Variants in CRHR1 observed in about 807,000 individuals in gnomAD.
The protein encoded by CRHR1 is corticotropin-releasing hormone receptor 1.
CRHR1 carries 28 observed loss-of-function variants against 56.0 expected under a neutral mutation model. That is an observed-to-expected ratio of 0.50 (90% CI 0.37 to 0.69). The LOEUF is 0.69. CRHR1 is among the 30% of genes least tolerant of loss of function. The pLI is 0.00. For synonymous variants in CRHR1, 195 were observed against 216.5 expected (o/e 0.90, Z 0.87); for missense variants, 376 against 548.0 (o/e 0.69, Z 3.13).
chr17:45,793,042 C>T (rs973737293), intron 1 of CRHR1, among the ~76,000 whole-genome samples: 2 of 152,238 alleles, frequency 1.3e-5, no homozygotes, highest in African/African-American at 4.8e-5. Context: ...TGCTCCCACT[C>T]CCCAATGAAC....
At chr17:45,829,411 G>A in intron 5 of CRHR1, 90 bp downstream of exon 5, 1 of 1,390,076 alleles carries the variant, frequency 7.2e-7, no homozygotes, top group African/African-American at 1.4e-5. Flanking sequence ...CTAGGTTGGG[G>A]TGGGGGTTGC....
At chr17:45,834,140 C>A in intron 12 of CRHR1, 92 bp downstream of exon 12, 1 of 1,485,002 alleles carries the variant, frequency 6.7e-7, no homozygotes, top group Non-Finnish European at 9.4e-7. Context: ...CCTCCCAGGG[C>A]TGCCTCTCTC....
At chr17:45,801,482 C>T (rs766626907) in intron 1 of CRHR1, among the ~76,000 whole-genome samples, 24 of 152,248 alleles carry the variant, frequency 1.6e-4, no homozygotes, top group East Asian at 3.9e-4. Context: ...ATAATTGAGC[C>T]GCACGCACCC....
intron 2 of CRHR1, among the ~76,000 whole-genome samples, chr17:45,810,145 C>G (rs1421400180): frequency 6.6e-6 from 1 of 152,056 alleles, no homozygotes; most frequent in Non-Finnish European, 1.5e-5. Flanking sequence ...ATTAGCCGGG[C>G]TTGGTGGTGG....
Position 45,784,376 on chromosome 17 carries a change from G to T in CRHR1, c.-169G>T, listed in dbSNP as rs1424357547. The T allele has an allele frequency of 2.6e-5, 11 of 415,740 alleles. No individual in the cohort carries two copies. The East Asian group carries it at 4.9e-4, about 19-fold the overall frequency. The allele number at this position is 415,740 out of a possible 1,614,324, so 25.8% of individuals were successfully genotyped here. ...GGCGAGCGAGAGCCGGGCCGGGCCGGGCCGGGCCGCGGGGCCGGGAAGCGC... is the reference window on the plus strand; with the variant it reads ...GGCGAGCGAGAGCCGGGCCGGGCCGTGCCGGGCCGCGGGGCCGGGAAGCGC... On this transcript the variant is annotated 5_prime_UTR_variant, in exon 1 of 13. Coordinates refer to ENST00000314537, the MANE Select transcript of CRHR1 (RefSeq NM_004382.5). This position sits in a 1 kb window ranked among gnomAD's most constrained non-coding sequence, Gnocchi z 4.2.
intron 1 of CRHR1, among the ~76,000 whole-genome samples, chr17:45,803,481 G>A (rs2061660641): frequency 6.6e-6 from 1 of 152,188 alleles, no homozygotes; most frequent in Non-Finnish European, 1.5e-5. Context: ...CCACCTCCTG[G>A]GTTCAAGCAA....
At chr17:45,801,152 C>T (rs2061613761) in intron 1 of CRHR1, among the ~76,000 whole-genome samples, 2 of 152,164 alleles carry the variant, frequency 1.3e-5, no homozygotes, top group Admixed American at 1.3e-4. Context: ...CAGGCTGGAG[C>T]AGGCCATGTC....
In CRHR1 at chr17:45,834,924, A is replaced by ACGGCTGCAGGGG; in HGVS notation, c.*160_*161insCGGCTGCAGGGG. 1.0e-6 allele frequency: 1 copy of ACGGCTGCAGGGG among 975,598 alleles called. No individual in the cohort carries two copies. The highest frequency in any genetic ancestry group is 1.5e-6 in the Non-Finnish European group (1 of 662,096). 60.4% of individuals were successfully genotyped at this position (975,598 alleles called of 1,614,324 possible). ...CCTGGGGGGGCCGCTCTCCCCCTGC[A>ACGGCTGCAGGGG]GCCGTGCAGGACTCTAGCTCATGAG... On this transcript the variant is annotated 3_prime_UTR_variant, in exon 13 of 13. Transcript: ENST00000314537.
At chr17:45,797,171 G>C (rs1254228806) in intron 1 of CRHR1, among the ~76,000 whole-genome samples, 1 of 152,238 alleles carries the variant, frequency 6.6e-6, no homozygotes, top group Non-Finnish European at 1.5e-5. Flanking sequence ...GGCACTTCTG[G>C]GAAGAAAAGC....
chr17:45,800,781 T>G (rs780882064), intron 1 of CRHR1: 2 of 152,148 alleles, frequency 1.3e-5, no homozygotes, highest in Non-Finnish European at 2.9e-5. Context: ...AAGCTGAGCA[T>G]CAGTGCTAGC....
intron 3 of CRHR1, among the ~76,000 whole-genome samples, chr17:45,820,000 C>A (rs1297834297): frequency 6.6e-6 from 1 of 152,146 alleles, no homozygotes; most frequent in Non-Finnish European, 1.5e-5. Context: ...GAGAAGGGGT[C>A]CCCAGAGGTC....
At chr17:45,830,382 C>T (rs2062273502) in intron 6 of CRHR1, 35 bp from the exon 7 acceptor site, 1 of 1,590,450 alleles carries the variant, frequency 6.3e-7, no homozygotes. Context: ...TCCCCTGCCC[C>T]CCATCATCAT....
intron 1 of CRHR1, among the ~76,000 whole-genome samples, chr17:45,794,400 G>A (rs535219705): frequency 5.8e-4 from 89 of 152,346 alleles, no homozygotes; most frequent in African/African-American, 2.1e-3. Flanking sequence ...CGGGCCTAAA[G>A]CCCTCCTTTG....
At chr17:45,802,188 G>T (rs1179372224) in intron 1 of CRHR1, among the ~76,000 whole-genome samples, 2 of 152,164 alleles carry the variant, frequency 1.3e-5, no homozygotes, top group African/African-American at 4.8e-5. Context: ...AGCTGGGCAT[G>T]GTGGTGCAGG....
At chr17:45,811,049 G>C (rs989926461) in intron 2 of CRHR1, among the ~76,000 whole-genome samples, 5 of 152,256 alleles carry the variant, frequency 3.3e-5, no homozygotes, top group African/African-American at 1.2e-4. Context: ...CCCAGCCTCA[G>C]GGCTGCTGCC....
chr17:45,806,974 C>A lies in CRHR1; in HGVS notation c.34-36C>A, dbSNP rs755097274. 30 of 1,592,830 alleles carry A rather than the reference C, an allele frequency of 1.9e-5. No individual in the cohort carries two copies. In the East Asian group the frequency reaches 2.0e-4, roughly 11 times the overall value. ...AGCAACATGCTCATGGCTCATGGCA[C>A]CTGCCTAATGTGTCCTTCGCCTCCT... On this transcript the variant is annotated intron_variant, in intron 1 of 12. Coordinates refer to ENST00000314537, the MANE Select transcript of CRHR1 (RefSeq NM_004382.5).
chr17:45,834,422 C>A (rs2062390876), intron 12 of CRHR1, among the ~76,000 whole-genome samples: 1 of 152,216 alleles, frequency 6.6e-6, no homozygotes, highest in African/African-American at 2.4e-5. Context: ...GTGCCCCTTC[C>A]CCAGGACATT....
intron 2 of CRHR1, among the ~76,000 whole-genome samples, chr17:45,810,857 C>A (rs2061809307): frequency 6.6e-6 from 1 of 152,248 alleles, no homozygotes; most frequent in Non-Finnish European, 1.5e-5. Context: ...CAGGTTTCTG[C>A]CACCCTCTCC....
At chr17:45,803,769 TGTGTGTGCGTGCGC>T (rs1411598646) in intron 1 of CRHR1, among the ~76,000 whole-genome samples, 1 of 136,976 alleles carries the variant, frequency 7.3e-6, no homozygotes, top group Admixed American at 7.7e-5. Flanking sequence ...TGTGTGTGTG[TGTGTGTGCGTGCGC>T]GTGCGCGTGT....
Sources: allele counts gnomAD v4.1 joint callset (sites outside exome capture counted in the v4.1 genomes callset), GRCh38; gene constraint gnomAD v4.1.1; non-coding constraint Gnocchi (gnomAD v3.1); transcripts MANE v1.5; gene names NCBI Gene and HGNC (gene_info 2026-07-23, HGNC 2026-07-21).